KMT2C: variants seen among roughly 807,000 people sequenced by gnomAD.
KMT2C encodes the protein lysine methyltransferase 2C.
In KMT2C, 88 loss-of-function variants were observed where a neutral mutation model predicts 507.9. That is an observed-to-expected ratio of 0.17 (90% CI 0.15 to 0.21). KMT2C has a LOEUF of 0.21. Ranked by LOEUF, KMT2C falls within the 10% of genes least tolerant of loss-of-function variation. The pLI, the probability that KMT2C is intolerant of heterozygous loss-of-function variation, is 1.00. For synonymous variants in KMT2C, 2,049 were observed against 2,080.8 expected (o/e 0.98, Z 0.42); for missense variants, 4,954 against 5,957.8 (o/e 0.83, Z 5.55).
chr7:152,367,916 C>T (rs1328811011), intron 1 of KMT2C: 1 of 1,026,642 alleles, frequency 9.7e-7, no homozygotes, highest in Non-Finnish European at 1.5e-6. Context: ...AAGTGATTAT[C>T]ATCCAACTTA....
At chr7:152,168,834 T>C (rs1335734432) in intron 41 of KMT2C, among the ~76,000 whole-genome samples, 1 of 152,200 alleles carries the variant, frequency 6.6e-6, no homozygotes, top group Non-Finnish European at 1.5e-5. Flanking sequence ...CCATTTAGTG[T>C]CCTTGTCACT....
chr7:152,149,288 A>G (rs2129095811), intron 51 of KMT2C, 136 bp from the exon 52 acceptor site: 2 of 729,134 alleles, frequency 2.7e-6, no homozygotes, highest in Non-Finnish European at 4.0e-6. Context: ...GTCAGCAGTA[A>G]GTGCTGGGGG....
chr7:152,372,320 T>C (rs996114239), intron 1 of KMT2C, among the ~76,000 whole-genome samples: 1 of 152,046 alleles, frequency 6.6e-6, no homozygotes, highest in African/African-American at 2.4e-5. Context: ...CACACCCAGC[T>C]AATTTTTGTA....
chr7:152,368,113 A>G, intron 1 of KMT2C: 1 of 935,820 alleles, frequency 1.1e-6, no homozygotes, highest in South Asian at 1.3e-5. Context: ...TAATACTATC[A>G]TTGAAGTTAA....
chr7:152,367,074 C>A, intron 1 of KMT2C: 1 of 730,170 alleles, frequency 1.4e-6, no homozygotes, highest in African/African-American at 1.8e-5. Context: ...GTAGTCAGAA[C>A]TCTGTGCTGC....
intron 1 of KMT2C, among the ~76,000 whole-genome samples, chr7:152,421,497 C>T (rs535484672): frequency 2.0e-5 from 3 of 152,240 alleles, no homozygotes; most frequent in South Asian, 4.1e-4. Context: ...ACCTAACTGC[C>T]CATCAACAGC....
At chr7:152,311,446 T>C (rs115459489) in intron 5 of KMT2C, among the ~76,000 whole-genome samples, 1,831 of 152,284 alleles carry the variant, frequency 0.012, 43 homozygotes, top group African/African-American at 0.042. Flanking sequence ...TTTTCATTCA[T>C]GCCCAAATAA....
chr7:152,203,170 C>G (rs781026830), intron 25 of KMT2C, 106 bp from the exon 26 acceptor site: 23 of 839,322 alleles, frequency 2.7e-5, no homozygotes, highest in Non-Finnish European at 3.2e-5. Context: ...TTCATATAAA[C>G]AAACAAGCTT....
chr7:152,312,797 C>A lies in KMT2C; in HGVS notation c.591-851G>T, dbSNP rs1252979542. Among the ~76,000 whole-genome samples the A allele has an allele frequency of 2.6e-5, 4 of 152,072 alleles. 1 individual carries two copies. The highest frequency in any genetic ancestry group is 4.1e-4 in the South Asian group (2 of 4,830). ...TTAAATATGGGAAATCAGATGACTA[C>A]CACTAAAACTTAAATCTTCTCCTAA... On this transcript the variant is annotated intron_variant, in intron 4 of 58. Transcript: ENST00000262189.
At chr7:152,401,624 G>A (rs2097574418) in intron 1 of KMT2C, among the ~76,000 whole-genome samples, 2 of 152,282 alleles carry the variant, frequency 1.3e-5, no homozygotes, top group Admixed American at 1.3e-4. Flanking sequence ...CTAGGAAGCG[G>A]AGGTTGCAGT....
intron 15 of KMT2C, among the ~76,000 whole-genome samples, chr7:152,237,125 G>A (rs1424910949): frequency 6.6e-6 from 1 of 152,044 alleles, no homozygotes; most frequent in African/African-American, 2.4e-5. Context: ...GATGAATTAT[G>A]TATATTTAAA....
At chr7:152,247,405 A>G (rs2095488691) in intron 14 of KMT2C, among the ~76,000 whole-genome samples, 1 of 152,216 alleles carries the variant, frequency 6.6e-6, no homozygotes. Flanking sequence ...AAGAAATCCC[A>G]CAAGAGTTAG....
intron 18 of KMT2C, among the ~76,000 whole-genome samples, chr7:152,226,859 A>C (rs886345661): frequency 6.6e-6 from 1 of 152,248 alleles, no homozygotes; most frequent in African/African-American, 2.4e-5. Context: ...GTTTATTTGC[A>C]AACACAGGAA....
At chr7:152,312,632 T>C (rs1474895562) in intron 4 of KMT2C, among the ~76,000 whole-genome samples, 3 of 152,130 alleles carry the variant, frequency 2.0e-5, no homozygotes, top group African/African-American at 7.2e-5. Flanking sequence ...GAAGATAGTA[T>C]AACAGCAAAA....
At chr7:152,192,028 C>T (rs1005351105) in intron 31 of KMT2C, among the ~76,000 whole-genome samples, 1 of 150,092 alleles carries the variant, frequency 6.7e-6, no homozygotes, top group Non-Finnish European at 1.5e-5. Context: ...ACATTAACAC[C>T]TTGCAAAAGA....
intron 36 of KMT2C, 69 bp downstream of exon 36, chr7:152,180,642 C>G: frequency 8.4e-7 from 1 of 1,183,690 alleles, no homozygotes; most frequent in Non-Finnish European, 1.2e-6. Context: ...GTAGAAATTA[C>G]TCAGTTTGAT....
At chr7:152,156,404 G>C (rs865822252) in intron 44 of KMT2C, 58 bp from the exon 45 acceptor site, 34 of 1,586,258 alleles carry the variant, frequency 2.1e-5, no homozygotes, top group Middle Eastern at 3.6e-4. Flanking sequence ...CAATGACCTT[G>C]CTAAAACGTA....
At chr7:152,331,980 T>A (rs1201375052) in intron 2 of KMT2C, among the ~76,000 whole-genome samples, 1 of 152,144 alleles carries the variant, frequency 6.6e-6, no homozygotes, top group Non-Finnish European at 1.5e-5. Flanking sequence ...ATTATAGCAA[T>A]TGGTCTACAG....
In KMT2C at chr7:152,343,171, T is replaced by C. The variant is rs192029693; in HGVS notation, c.251-12432A>G. Among the ~76,000 whole-genome samples, 68 of 152,210 alleles carry C rather than the reference T, an allele frequency of 4.5e-4. No individual in the cohort carries two copies. In the East Asian group the frequency reaches 9.7e-3, roughly 22 times the overall value. On this transcript the variant is annotated intron_variant, in intron 2 of 58. Coordinates refer to ENST00000262189, the MANE Select transcript of KMT2C (RefSeq NM_170606.3). ...ACTAGACTTGGATGCAGGAAGGAATTTGAAATGATCAGATGAGGAATTGAA... is the reference window on the plus strand; with the variant it reads ...ACTAGACTTGGATGCAGGAAGGAATCTGAAATGATCAGATGAGGAATTGAA...
Sources: gnomAD v4.1 joint callset for allele counts (sites outside exome capture counted in the v4.1 genomes callset) on GRCh38, gnomAD v4.1.1 for gene constraint, MANE v1.5 for transcripts, NCBI Gene and HGNC (gene_info 2026-07-23, HGNC 2026-07-21) for gene names.